The following MAP2 variants were observed in gnomAD, a reference collection of about 807,000 sequenced individuals.
The protein encoded by MAP2 is microtubule associated protein 2.
MAP2 carries 14 observed loss-of-function variants against 137.6 expected under a neutral mutation model. That is an observed-to-expected ratio of 0.10 (90% CI 0.07 to 0.16). The LOEUF (loss-of-function observed/expected upper bound fraction) is 0.16. Among genes scored for constraint, MAP2 ranks in the 10% least tolerant of loss-of-function variants. MAP2 has a pLI of 1.00. For synonymous variants in MAP2, 786 were observed against 782.3 expected, an observed-to-expected ratio of 1.00 and a Z score of -0.08; for missense variants, 2,088 against 2,191.5, an observed-to-expected ratio of 0.95 and a Z score of 0.94.
intron 2 of MAP2, among the ~76,000 whole-genome samples, chr2:209,563,745 A>G (rs1052388495): frequency 6.6e-6 from 1 of 152,234 alleles, no homozygotes; most frequent in African/African-American, 2.4e-5. Context: ...GTCTCAACCA[A>G]GATAGAACAC....
chr2:209,501,921 GGTCAA>G (rs1483130766), intron 1 of MAP2, among the ~76,000 whole-genome samples: 1 of 152,038 alleles, frequency 6.6e-6, no homozygotes, highest in African/African-American at 2.4e-5. Context: ...GAGCCCACCA[GGTCAA>G]AAATGAATAC....
intron 6 of MAP2, 127 bp from the exon 7 acceptor site, chr2:209,680,623 G>A (rs2054158659): frequency 1.3e-6 from 1 of 780,020 alleles, no homozygotes; most frequent in South Asian, 1.7e-5. Flanking sequence ...ACCAAATGCG[G>A]CTTACTATTG....
At chr2:209,443,190 T>G (rs551924310) in intron 1 of MAP2, among the ~76,000 whole-genome samples, 1 of 151,312 alleles carries the variant, frequency 6.6e-6, no homozygotes, top group East Asian at 1.9e-4. Context: ...CTCCACACAT[T>G]ACTTGCTCTG....
chr2:209,485,715 A>C (rs1287047846), intron 1 of MAP2, among the ~76,000 whole-genome samples: 1 of 152,346 alleles, frequency 6.6e-6, no homozygotes, highest in South Asian at 2.1e-4. Flanking sequence ...TAGTGTTGGC[A>C]CCAACACTGC....
intron 7 of MAP2, among the ~76,000 whole-genome samples, chr2:209,687,296 T>C (rs921600982): frequency 1.3e-5 from 2 of 151,646 alleles, no homozygotes; most frequent in Non-Finnish European, 2.9e-5. Flanking sequence ...TTCTTCTTTT[T>C]AAACTTATAA....
chr2:209,650,207 A>T (rs1482450271), intron 4 of MAP2, among the ~76,000 whole-genome samples: 1 of 152,244 alleles, frequency 6.6e-6, no homozygotes, highest in Non-Finnish European at 1.5e-5. Context: ...CTAGAGTTAA[A>T]CATGGACTAA....
chr2:209,692,112 C>T (rs2059063886), intron 7 of MAP2, among the ~76,000 whole-genome samples: 1 of 152,126 alleles, frequency 6.6e-6, no homozygotes, highest in African/African-American at 2.4e-5. Flanking sequence ...TTGTGCATTA[C>T]TTGGCCCTCT....
intron 1 of MAP2, among the ~76,000 whole-genome samples, chr2:209,454,402 T>C (rs1245271006): frequency 6.6e-6 from 1 of 152,100 alleles, no homozygotes; most frequent in Non-Finnish European, 1.5e-5. Flanking sequence ...TGGCACGATC[T>C]CTGCTCATTG....
intron 2 of MAP2, among the ~76,000 whole-genome samples, chr2:209,511,820 C>T (rs1197184913): frequency 3.9e-5 from 6 of 152,138 alleles, no homozygotes; most frequent in Non-Finnish European, 8.8e-5. Context: ...GATCCTCCTG[C>T]TTCAGCCTCT....
At position 209,731,527 on chromosome 2, in the gene MAP2, G is replaced by T. The variant is rs1039616684; in HGVS notation, c.*1130G>T. ...ACATGAAAGGGTTTACAGATTGTTG[G>T]TTTAAGATTATGGATTTATCTCATT... On this transcript the variant is annotated 3_prime_UTR_variant, in exon 16 of 16. Coordinates refer to ENST00000682079, the MANE Select transcript of MAP2 (RefSeq NM_001375505.1). 6.6e-6 allele frequency: 1 copy of T among 152,476 alleles called. No individual in the cohort carries two copies. Among genetic ancestry groups the T allele is most frequent in the Non-Finnish European group, 1.5e-5 (1 of 68,014 alleles). 9.4% of individuals were successfully genotyped at this position (152,476 alleles called of 1,614,324 possible). A position where few individuals can be genotyped will look rare whatever the true frequency, so the allele number is the denominator to read the frequency against.
At chr2:209,562,693 T>A (rs1309247078) in intron 2 of MAP2, among the ~76,000 whole-genome samples, 2 of 150,406 alleles carry the variant, frequency 1.3e-5, no homozygotes, top group Non-Finnish European at 3.0e-5. Context: ...TGAGACTCTG[T>A]CAAAAAAAAA....
At chr2:209,614,422 T>TC (rs1216897279) in intron 3 of MAP2, among the ~76,000 whole-genome samples, 5 of 152,068 alleles carry the variant, frequency 3.3e-5, no homozygotes. Context: ...CTATGCCAAG[T>TC]CCCCCATCTT....
rs939066871 is a variant in MAP2 at position 209,524,155 on chromosome 2, C to A, written c.-172+16514C>A. On this transcript the variant is annotated intron_variant, in intron 2 of 15. Coordinates refer to ENST00000682079, the MANE Select transcript of MAP2 (RefSeq NM_001375505.1). ...CATTCTAGAAAGGTTGGCATGGAAA[C>A]CTTGAGAAGGCATTTTAGATGCTCA... 1.2e-4 allele frequency among the ~76,000 whole-genome samples: 18 copies of A among 152,088 alleles called. 1 individual carries two copies. The highest frequency in any genetic ancestry group is 6.8e-3 in the Middle Eastern group (2 of 292).
At chr2:209,540,660 A>AAACAAAAAAG (rs1577569192) in intron 2 of MAP2, among the ~76,000 whole-genome samples, 1 of 129,206 alleles carries the variant, frequency 7.7e-6, no homozygotes, top group East Asian at 2.4e-4. Context: ...AAAAAAAAAA[A>AAACAAAAAAG]AAGAAGAAAA....
intron 1 of MAP2, among the ~76,000 whole-genome samples, chr2:209,458,328 A>G (rs1702013198): frequency 6.6e-6 from 1 of 152,178 alleles, no homozygotes; most frequent in Non-Finnish European, 1.5e-5. Flanking sequence ...CTGTATAGTT[A>G]TACCACTATT....
At chr2:209,587,795 C>A (rs1429249091) in intron 3 of MAP2, among the ~76,000 whole-genome samples, 1 of 152,172 alleles carries the variant, frequency 6.6e-6, no homozygotes, top group African/African-American at 2.4e-5. Context: ...GGGGCTAGTT[C>A]TCTCTCTGGA....
chr2:209,596,323 A>G (rs2081288567), intron 3 of MAP2, among the ~76,000 whole-genome samples: 1 of 152,188 alleles, frequency 6.6e-6, no homozygotes, highest in Non-Finnish European at 1.5e-5. Flanking sequence ...TTACGAATAA[A>G]CTGAAAACAC....
intron 2 of MAP2, among the ~76,000 whole-genome samples, chr2:209,538,435 AT>A (rs1046787782): frequency 7.9e-5 from 12 of 152,128 alleles, no homozygotes; most frequent in African/African-American, 2.9e-4. Flanking sequence ...CAAAATAATA[AT>A]GATGAAGTGA....
intron 2 of MAP2, among the ~76,000 whole-genome samples, chr2:209,514,945 C>T (rs2062251328): frequency 6.6e-6 from 1 of 152,152 alleles, no homozygotes; most frequent in South Asian, 2.1e-4. Flanking sequence ...TTAGGAATGC[C>T]TTCTGAGTCA....
Sources: gnomAD v4.1 joint callset for allele counts (sites outside exome capture counted in the v4.1 genomes callset) on GRCh38, gnomAD v4.1.1 for gene constraint, MANE v1.5 for transcripts, NCBI Gene and HGNC (gene_info 2026-07-23, HGNC 2026-07-21) for gene names.